Variants in NRG1 observed in about 807,000 individuals in gnomAD.
NRG1 encodes the protein neuregulin 1.
In NRG1, 18 loss-of-function variants were observed where a neutral mutation model predicts 63.8. The ratio of observed to expected loss-of-function variants is 0.28; its 90% CI spans 0.19 to 0.42. NRG1 has a LOEUF of 0.42. NRG1 is among the 10% of genes least tolerant of loss of function. The pLI, the probability that NRG1 is intolerant of heterozygous loss-of-function variation, is 1.00. For missense variants in NRG1, 762 were observed against 814.7 expected, an observed-to-expected ratio of 0.94 and a Z score of 0.79; for synonymous variants, 302 against 301.3, an observed-to-expected ratio of 1.00 and a Z score of -0.02.
At chr8:32,060,109 G>T (rs191148101) in intron 1 of NRG1, among the ~76,000 whole-genome samples, 67 of 151,774 alleles carry the variant, frequency 4.4e-4, no homozygotes, top group Admixed American at 6.6e-4. Context: ...TCCAATTTGT[G>T]TAAGTTTATT....
chr8:31,754,195 G>T (rs1816748688), intron 1 of NRG1, among the ~76,000 whole-genome samples: 1 of 152,052 alleles, frequency 6.6e-6, no homozygotes, highest in African/African-American at 2.4e-5. Context: ...ATGTAATATA[G>T]TCTGAATGTG....
At chr8:31,722,081 C>T (rs533855352) in intron 1 of NRG1, among the ~76,000 whole-genome samples, 3 of 152,162 alleles carry the variant, frequency 2.0e-5, no homozygotes, top group Admixed American at 6.6e-5. Flanking sequence ...AATCTTCCAC[C>T]GAGTTCTCAG....
chr8:32,740,190 C>CTTTTTTT (rs35219061), intron 6 of NRG1, among the ~76,000 whole-genome samples: 4 of 92,516 alleles, frequency 4.3e-5, no homozygotes, highest in East Asian at 3.4e-4. Flanking sequence ...GACCCAACCT[C>CTTTTTTT]TTTTTTTTTT....
intron 1 of NRG1, among the ~76,000 whole-genome samples, chr8:31,969,825 G>A (rs1351650362): frequency 6.6e-6 from 1 of 152,108 alleles, no homozygotes; most frequent in Non-Finnish European, 1.5e-5. Flanking sequence ...GCTTTTTGAA[G>A]TATGTGTGCT....
chr8:31,717,958 T>C lies in NRG1; in HGVS notation c.37+78527T>C, dbSNP rs1321050476. 3.9e-5 allele frequency among the ~76,000 whole-genome samples: 6 copies of C among 152,178 alleles called. No individual in the cohort carries two copies. In the East Asian group the frequency reaches 1.2e-3, roughly 29 times the overall value. ...GTGATTAATGCGTCTTTTAGTCTTG[T>C]ATGTGTGTGTAGATGTAGACATAAT... On this transcript the variant is annotated intron_variant, in intron 1 of 10. Coordinates refer to the NRG1 transcript ENST00000519301.
At chr8:31,966,310 C>G (rs1420694108) in intron 1 of NRG1, among the ~76,000 whole-genome samples, 1 of 152,196 alleles carries the variant, frequency 6.6e-6, no homozygotes, top group Non-Finnish European at 1.5e-5. Context: ...GCCTAATCAT[C>G]TCTCCTAGAC....
chr8:32,431,850 T>A (rs142926789), intron 1 of NRG1, among the ~76,000 whole-genome samples: 2,592 of 152,292 alleles, frequency 0.017, 31 homozygotes, highest in Non-Finnish European at 0.027. Context: ...TGATTATCAC[T>A]GTAAACCTAA....
At chr8:32,333,936 C>T (rs16879142) in intron 1 of NRG1, among the ~76,000 whole-genome samples, 14,451 of 152,222 alleles carry the variant, frequency 0.095, 884 homozygotes, top group Non-Finnish European at 0.14. Context: ...ACATTTCCAT[C>T]TCTGTGATTC....
intron 5 of NRG1, among the ~76,000 whole-genome samples, chr8:32,630,729 GTT>G (rs397891668): frequency 3.5e-4 from 48 of 135,536 alleles, no homozygotes; most frequent in East Asian, 4.4e-4. Context: ...CAGATTTTAG[GTT>G]TTTTTTTTTT....
intron 1 of NRG1, among the ~76,000 whole-genome samples, chr8:32,245,193 G>A (rs1023553702): frequency 2.0e-5 from 3 of 152,154 alleles, no homozygotes; most frequent in Non-Finnish European, 2.9e-5. Context: ...TCAGCTGGCA[G>A]AATTTCTTCA....
At chr8:32,744,349 A>T (rs1040265100) in intron 7 of NRG1, among the ~76,000 whole-genome samples, 7 of 152,126 alleles carry the variant, frequency 4.6e-5, no homozygotes, top group African/African-American at 1.7e-4. Context: ...AAAAATTAGT[A>T]AATTGGCATT....
At chr8:32,123,230 A>T (rs527270002) in intron 1 of NRG1, among the ~76,000 whole-genome samples, 1 of 152,018 alleles carries the variant, frequency 6.6e-6, no homozygotes, top group East Asian at 1.9e-4. Flanking sequence ...TCTCATCTTG[A>T]ACTGTAGCTC....
chr8:31,713,156 G>A lies in NRG1; in HGVS notation c.37+73725G>A, dbSNP rs191027105. Among the ~76,000 whole-genome samples the A allele has an allele frequency of 3.8e-3, 458 of 121,534 alleles. 3 individuals carry two copies. Among genetic ancestry groups the A allele is most frequent in the African/African-American group, 0.013 (422 of 31,780 alleles). 79.7% of individuals were successfully genotyped at this position (121,534 alleles called of 152,430 possible). ...TTTTGAGACGGAGTCTCGCTTTGTC[G>A]CCCAGGATGGAGTGCAGTGGTGGGA... On this transcript the variant is annotated intron_variant, in intron 1 of 10. Coordinates refer to the NRG1 transcript ENST00000519301.
intron 1 of NRG1, among the ~76,000 whole-genome samples, chr8:32,223,598 A>G (rs904836074): frequency 1.3e-5 from 2 of 152,178 alleles, no homozygotes; most frequent in Non-Finnish European, 2.9e-5. Flanking sequence ...TGATTTTGTA[A>G]ATAGTGATAC....
At chr8:32,769,892 T>G (rs1431843955), downstream of NRG1, among the ~76,000 whole-genome samples, 1 of 152,172 alleles carries the variant, frequency 6.6e-6, no homozygotes, top group Non-Finnish European at 1.5e-5. Context: ...TTTAACATGC[T>G]TCAAAACTTT....
chr8:32,116,928 G>C (rs1200238931), intron 1 of NRG1, among the ~76,000 whole-genome samples: 1 of 137,470 alleles, frequency 7.3e-6, no homozygotes, highest in Admixed American at 7.9e-5. Context: ...GATTGTTAGA[G>C]CCCAGGAGTT....
intron 1 of NRG1, among the ~76,000 whole-genome samples, chr8:32,367,598 T>G (rs1283990327): frequency 6.6e-6 from 1 of 152,154 alleles, no homozygotes; most frequent in African/African-American, 2.4e-5. Flanking sequence ...AGATGAATAG[T>G]TTGTAAAGAT....
chr8:32,063,408 G>A (rs1268521748), intron 1 of NRG1: 2 of 152,084 alleles, frequency 1.3e-5, no homozygotes, highest in African/African-American at 2.4e-5. Flanking sequence ...CACATTACTA[G>A]TTATTTGTAA....
chr8:32,406,072 A>G (rs550450162), intron 1 of NRG1, among the ~76,000 whole-genome samples: 1 of 152,172 alleles, frequency 6.6e-6, no homozygotes, highest in African/African-American at 2.4e-5. Context: ...TAAATCTCTG[A>G]ATTTGGAGAA....
Sources: gnomAD v4.1 joint callset for allele counts (sites outside exome capture counted in the v4.1 genomes callset) on GRCh38, gnomAD v4.1.1 for gene constraint, MANE v1.5 for transcripts, NCBI Gene and HGNC (gene_info 2026-07-23, HGNC 2026-07-21) for gene names.